Variants in MYH9 observed in about 807,000 individuals in gnomAD.
MYH9 encodes myosin heavy chain 9, also known as myosin-9.
MYH9 carries 29 observed loss-of-function variants against 241.9 expected under a neutral mutation model. The ratio of observed to expected loss-of-function variants is 0.12; its 90% CI spans 0.09 to 0.16. The LOEUF (loss-of-function observed/expected upper bound fraction) is 0.16, where lower values mean the gene tolerates loss of function less well. Ranked by LOEUF, MYH9 falls within the 10% of genes least tolerant of loss-of-function variation. The probability of loss-of-function intolerance (pLI) is 1.00; values close to 1 mark genes in which losing one functional copy is unlikely to be tolerated. For synonymous variants in MYH9, 1,047 were observed against 1,062.6 expected, an observed-to-expected ratio of 0.99 and a Z score of 0.29; for missense variants, 1,803 against 2,595.5, an observed-to-expected ratio of 0.69 and a Z score of 6.63.
chr22:36,375,047 A>G (rs760748974), intron 1 of MYH9, among the ~76,000 whole-genome samples: 6 of 152,136 alleles, frequency 3.9e-5, no homozygotes, highest in Non-Finnish European at 8.8e-5. Flanking sequence ...CCCAGAAACA[A>G]GGGCCTATGT....
In MYH9 at chr22:36,285,841, A is replaced by G. The variant is rs1249748784; in HGVS notation, c.5150+24T>C. On this transcript the variant is annotated intron_variant, in intron 36 of 40. Coordinates refer to ENST00000216181, the MANE Select transcript of MYH9 (RefSeq NM_002473.6). This position sits in a 1 kb window ranked among gnomAD's most constrained non-coding sequence, Gnocchi z 7.0. ...CTGGGGACACACCTGGTCCCCCCCA[A>G]CTCTGCCCCCTCACTCAGCTCACCC... 6.2e-7 allele frequency: 1 copy of G among 1,610,634 alleles called. No homozygotes were observed. The highest frequency in any genetic ancestry group is 1.3e-5 in the African/African-American group (1 of 74,732).
At chr22:36,313,766 T>C (rs938134131) in intron 13 of MYH9, among the ~76,000 whole-genome samples, 11 of 152,304 alleles carry the variant, frequency 7.2e-5, no homozygotes, top group Admixed American at 5.9e-4. Flanking sequence ...CAGCCCGCGA[T>C]AGGGCCTTAC....
chr22:36,379,083 T>C (rs1437570576), intron 1 of MYH9, among the ~76,000 whole-genome samples: 1 of 152,238 alleles, frequency 6.6e-6, no homozygotes, highest in Non-Finnish European at 1.5e-5. Flanking sequence ...TGATTTTTCT[T>C]TTAAGCAGGG....
At chr22:36,303,224 C>T (rs1341198382) in intron 19 of MYH9, among the ~76,000 whole-genome samples, 1 of 152,038 alleles carries the variant, frequency 6.6e-6, no homozygotes, top group Non-Finnish European at 1.5e-5. Context: ...ACCCCATCCC[C>T]GAGCACAAGG....
chr22:36,350,756 C>T (rs6000250), intron 1 of MYH9, among the ~76,000 whole-genome samples: 4,911 of 152,272 alleles, frequency 0.032, 251 homozygotes, highest in African/African-American at 0.11. Context: ...GGCCTTTCCA[C>T]GACTAACACC....
At chr22:36,376,273 T>A (rs2018165898) in intron 1 of MYH9, among the ~76,000 whole-genome samples, 1 of 152,186 alleles carries the variant, frequency 6.6e-6, no homozygotes, top group Non-Finnish European at 1.5e-5. Context: ...TAAACTTTAA[T>A]AATTATAATT....
intron 1 of MYH9, among the ~76,000 whole-genome samples, chr22:36,375,354 T>C (rs1327386685): frequency 6.6e-6 from 1 of 152,132 alleles, no homozygotes; most frequent in African/African-American, 2.4e-5. Context: ...CCACATTCAT[T>C]TGAAAAATGG....
intron 1 of MYH9, among the ~76,000 whole-genome samples, chr22:36,357,732 G>T (rs770564494): frequency 2.0e-5 from 3 of 152,100 alleles, no homozygotes; most frequent in Non-Finnish European, 4.4e-5. Context: ...CAGGGCAAAA[G>T]GATTCCCAGG....
At chr22:36,297,036 C>A (rs187123537) in intron 24 of MYH9, 22 bp from the exon 25 acceptor site, 2 of 1,612,778 alleles carry the variant, frequency 1.2e-6, no homozygotes, top group African/African-American at 1.3e-5. Context: ...GGGGAGCCCA[C>A]ATAGCCCTCA....
intron 1 of MYH9, among the ~76,000 whole-genome samples, chr22:36,376,772 T>C (rs1000000683): frequency 1.3e-5 from 2 of 152,180 alleles, no homozygotes; most frequent in African/African-American, 4.8e-5. Flanking sequence ...GGCTTAGAAC[T>C]GAAGACACTG....
At position 36,282,602 on chromosome 22, in the gene MYH9, G is replaced by A. The variant is rs906839581; in HGVS notation, c.*66C>T. ...AAGAAGGTGGGGAGAGGCGTGCTGCGGGGTCTGGGAAGGGGAGGCTGTGGT... is the reference window on the plus strand; with the variant it reads ...AAGAAGGTGGGGAGAGGCGTGCTGCAGGGTCTGGGAAGGGGAGGCTGTGGT... On this transcript the variant is annotated 3_prime_UTR_variant, in exon 41 of 41. Transcript: ENST00000216181. 36 of 1,436,094 alleles carry A rather than the reference G, an allele frequency of 2.5e-5. No individual in the cohort carries two copies. The highest frequency in any genetic ancestry group is 2.3e-4 in the South Asian group (20 of 87,728). 89.0% of individuals were successfully genotyped at this position (1,436,094 alleles called of 1,614,324 possible). A position where few individuals can be genotyped will look rare whatever the true frequency, so the allele number is the denominator to read the frequency against.
At chr22:36,326,495 A>T (rs2017337764) in intron 5 of MYH9, 73 bp downstream of exon 5, 1 of 1,324,668 alleles carries the variant, frequency 7.5e-7, no homozygotes, top group Non-Finnish European at 1.1e-6. Flanking sequence ...AGCCGGGACC[A>T]CTAAGTGCTC....
intron 3 of MYH9, among the ~76,000 whole-genome samples, chr22:36,332,683 A>C (rs985185417): frequency 2.6e-5 from 4 of 151,156 alleles, no homozygotes; most frequent in East Asian, 1.9e-4. Context: ...AAAAAAAAAA[A>C]AAAAAAACCT....
intron 1 of MYH9, among the ~76,000 whole-genome samples, chr22:36,384,598 AAAAAAAAAAAAAAATATATAT>A (rs1274334524): frequency 2.2e-5 from 1 of 44,944 alleles, no homozygotes; most frequent in African/African-American, 7.3e-5. Flanking sequence ...AAAAAAAAAA[AAAAAAAAAAAAAAATATATAT>A]ATATATATAT....
At chr22:36,325,804 A>C (rs2017327291) in intron 5 of MYH9, among the ~76,000 whole-genome samples, 4 of 152,214 alleles carry the variant, frequency 2.6e-5, no homozygotes, top group Admixed American at 2.6e-4. Flanking sequence ...CCCATTCTGC[A>C]GGAGCTGTCA....
At chr22:36,335,238 G>C (rs1327906343) in intron 3 of MYH9, among the ~76,000 whole-genome samples, 2 of 152,180 alleles carry the variant, frequency 1.3e-5, no homozygotes, top group Non-Finnish European at 1.5e-5. Flanking sequence ...AGAGTGCCCG[G>C]CACACACACA....
rs774708443 is a variant in MYH9, at chr22:36,316,603, G to A, written c.1294C>T (p.Arg432Cys). Residue 432 changes from arginine to cysteine, a missense_variant, in exon 12 of 41, where the codon CGC becomes TGC. Physicochemically the swap from Arg to Cys is radical, Grantham distance 180 (BLOSUM62 -3). Transcript: ENST00000216181. ...GTCTTGTCCAGAGCCTTGTTGATGC[G>A]CAGCACCAGCCAGCGGAACATCCGC... ...YERMFRWLVL[R>C]INKALDKTKR... 1.2e-6 allele frequency: 2 copies of A among 1,614,058 alleles called. No individual in the cohort carries two copies. The highest frequency in any genetic ancestry group is 1.7e-6 in the Non-Finnish European group (2 of 1,180,032).
At position 36,305,860 on chromosome 22, in the gene MYH9, C is replaced by A. The variant is rs2016959621; in HGVS notation, c.2159+70G>T. ...ACGACAGGATCCTGCCAGGGAGCAG[C>A]AGCCCACCTCTGGGACTCACTGCAC... On this transcript the variant is annotated intron_variant, in intron 17 of 40. Transcript: ENST00000216181. The surrounding 1 kb of genome is among the most constrained non-coding windows in gnomAD (Gnocchi z 4.7). The A allele has an allele frequency of 6.2e-7, 1 of 1,605,896 alleles. No homozygotes were observed. Among genetic ancestry groups the A allele is most frequent in the Admixed American group, 1.7e-5 (1 of 59,922 alleles).
chr22:36,302,343 T>C, intron 20 of MYH9: 3 of 485,990 alleles, frequency 6.2e-6, no homozygotes, highest in South Asian at 6.1e-5. Flanking sequence ...AGTGAGACCT[T>C]GTCTCTACTA....
Sources: gnomAD v4.1 joint callset for allele counts (sites outside exome capture counted in the v4.1 genomes callset) on GRCh38, gnomAD v4.1.1 for gene constraint, Gnocchi (gnomAD v3.1) non-coding constraint, MANE v1.5 for transcripts, NCBI Gene and HGNC (gene_info 2026-07-23, HGNC 2026-07-21) for gene names.